CSMD1: variants seen among roughly 807,000 people sequenced by gnomAD.
The protein encoded by CSMD1 is CUB and Sushi multiple domains 1.
In CSMD1, 213 loss-of-function variants were observed where a neutral mutation model predicts 417.5. The observed-to-expected ratio is 0.51, with a 90% CI of 0.46 to 0.57. The LOEUF is 0.57. Ranked by LOEUF, CSMD1 falls within the 20% of genes least tolerant of loss-of-function variation. The pLI is 0.00. For missense variants in CSMD1, 6,923 were observed against 4,529.7 expected, an observed-to-expected ratio of 1.53 and a Z score of -15.17; for synonymous variants, 2,862 against 1,736.8, an observed-to-expected ratio of 1.65 and a Z score of -16.11.
chr8:4,345,835 G>C (rs76091434), intron 3 of CSMD1, among the ~76,000 whole-genome samples: 23 of 152,080 alleles, frequency 1.5e-4, no homozygotes, highest in African/African-American at 5.6e-4. Flanking sequence ...CCCGAGCAGC[G>C]ACCTACATTG....
chr8:3,109,009 C>G (rs943602273), intron 43 of CSMD1, among the ~76,000 whole-genome samples: 38 of 152,258 alleles, frequency 2.5e-4, no homozygotes, highest in African/African-American at 7.2e-4. Flanking sequence ...TCATGCCTGT[C>G]ATCCCAGCAC....
intron 3 of CSMD1, among the ~76,000 whole-genome samples, chr8:4,088,422 A>T (rs1384692852): frequency 2.0e-5 from 3 of 152,258 alleles, no homozygotes; most frequent in African/African-American, 7.2e-5. Flanking sequence ...TTCCTCTCCA[A>T]ACTCACTGAA....
At chr8:3,695,704 A>G (rs548466587) in intron 7 of CSMD1, among the ~76,000 whole-genome samples, 12 of 152,326 alleles carry the variant, frequency 7.9e-5, no homozygotes, top group East Asian at 3.9e-4. Context: ...TTTAAAAGTT[A>G]CTAAAACAGC....
chr8:3,619,138 G>A (rs575173992), intron 7 of CSMD1, among the ~76,000 whole-genome samples: 6 of 146,816 alleles, frequency 4.1e-5, no homozygotes, highest in Non-Finnish European at 8.8e-5. Context: ...CCAATGAGAA[G>A]ATGAGGTTAG....
intron 7 of CSMD1, among the ~76,000 whole-genome samples, chr8:3,704,427 A>G (rs919997084): frequency 6.6e-6 from 1 of 152,204 alleles, no homozygotes; most frequent in African/African-American, 2.4e-5. Context: ...TATACAAACA[A>G]GAGAAGTGGT....
intron 5 of CSMD1, among the ~76,000 whole-genome samples, chr8:3,977,555 T>C (rs1158848851): frequency 6.6e-6 from 1 of 152,222 alleles, no homozygotes; most frequent in Non-Finnish European, 1.5e-5. Flanking sequence ...CAAACATTTT[T>C]AATACTTTGT....
At chr8:4,534,871 T>C (rs544005761) in intron 2 of CSMD1, among the ~76,000 whole-genome samples, 2 of 152,286 alleles carry the variant, frequency 1.3e-5, no homozygotes, top group African/African-American at 4.8e-5. Flanking sequence ...CATGTCACTC[T>C]CCTGCCTCAG....
chr8:4,291,801 T>C (rs139419322), intron 3 of CSMD1, among the ~76,000 whole-genome samples: 2 of 152,328 alleles, frequency 1.3e-5, no homozygotes, highest in African/African-American at 2.4e-5. Flanking sequence ...ACAAGTAATA[T>C]CTGGTTCTGA....
At position 4,225,228 on chromosome 8, in the gene CSMD1, G is replaced by A. The variant is rs529633951; in HGVS notation, c.416-193129C>T. Among the ~76,000 whole-genome samples the A allele has an allele frequency of 6.6e-5, 10 of 152,290 alleles. No homozygotes were observed. The East Asian group carries it at 1.2e-3, about 18-fold the overall frequency. ...CCTCCATAAACCAGAGACGGCTAGT[G>A]AAAGGAGAATCAATGACAAACCATC... On this transcript the variant is annotated intron_variant, in intron 3 of 69. Transcript: ENST00000635120.
intron 3 of CSMD1, among the ~76,000 whole-genome samples, chr8:4,373,454 C>G (rs941226318): frequency 6.6e-6 from 1 of 152,140 alleles, no homozygotes; most frequent in Non-Finnish European, 1.5e-5. Context: ...ACTGCAATAT[C>G]TCTGAAATGT....
intron 5 of CSMD1, among the ~76,000 whole-genome samples, chr8:3,772,626 C>T (rs202063978): frequency 8.1e-6 from 1 of 123,908 alleles, no homozygotes; most frequent in Admixed American, 8.4e-5. Flanking sequence ...TACATATATA[C>T]ACATATATTT....
intron 5 of CSMD1, among the ~76,000 whole-genome samples, chr8:3,904,120 C>T (rs927403813): frequency 2.6e-5 from 4 of 151,968 alleles, no homozygotes; most frequent in African/African-American, 7.3e-5. Context: ...TGAAGTAATT[C>T]GGCCTTGTAA....
chr8:4,747,481 C>T (rs1177833523), intron 1 of CSMD1, among the ~76,000 whole-genome samples: 2 of 152,078 alleles, frequency 1.3e-5, no homozygotes, highest in East Asian at 1.9e-4. Flanking sequence ...AGAGAAAATG[C>T]CCTCCTAAGT....
chr8:3,059,255 A>C (rs909653234), intron 49 of CSMD1, among the ~76,000 whole-genome samples: 1 of 44,116 alleles, frequency 2.3e-5, no homozygotes, highest in Non-Finnish European at 7.1e-5. Flanking sequence ...CAGACATCAA[A>C]AAAAAAAAAA....
At chr8:4,910,974 C>G (rs746920163) in intron 1 of CSMD1, among the ~76,000 whole-genome samples, 4 of 152,108 alleles carry the variant, frequency 2.6e-5, no homozygotes, top group Non-Finnish European at 5.9e-5. Context: ...CCTCAGGAGA[C>G]CTGATGGTTC....
rs113026087 is a variant in CSMD1, at chr8:3,284,375, T to A, written c.3951-29A>T. On this transcript the variant is annotated intron_variant, in intron 25 of 69. Coordinates refer to ENST00000635120, the MANE Select transcript of CSMD1 (RefSeq NM_033225.6). ...CAAGAGAGAACACAGTAGCGCTACT[T>A]GCCGTGCATCGAGCATGTCCTGACC... 7,256 of 1,560,868 alleles carry A rather than the reference T, an allele frequency of 4.6e-3. 63 individuals are homozygous for A. The highest frequency in any genetic ancestry group is 0.032 in the Middle Eastern group (153 of 4,716).
At chr8:3,240,588 C>A (rs192969022) in intron 26 of CSMD1, among the ~76,000 whole-genome samples, 1 of 151,824 alleles carries the variant, frequency 6.6e-6, no homozygotes, top group African/African-American at 2.4e-5. Flanking sequence ...AGCTTTGCGG[C>A]AGTACAGCCC....
chr8:4,753,392 T>C (rs1383078164), intron 1 of CSMD1, among the ~76,000 whole-genome samples: 1 of 147,646 alleles, frequency 6.8e-6, no homozygotes, highest in Non-Finnish European at 1.5e-5. Flanking sequence ...TTCCCTACTT[T>C]CCACCATAAA....
intron 6 of CSMD1, among the ~76,000 whole-genome samples, chr8:3,726,228 T>G (rs1055303325): frequency 6.6e-6 from 1 of 152,174 alleles, no homozygotes; most frequent in Non-Finnish European, 1.5e-5. Context: ...CAGCATTGAC[T>G]GTAAACCCAT....
Sources: allele counts gnomAD v4.1 joint callset (sites outside exome capture counted in the v4.1 genomes callset), GRCh38; gene constraint gnomAD v4.1.1; transcripts MANE v1.5; gene names NCBI Gene and HGNC (gene_info 2026-07-23, HGNC 2026-07-21).